The following SPTBN1 variants were observed in gnomAD, a reference collection of about 807,000 sequenced individuals.
The protein encoded by SPTBN1 is spectrin beta, non-erythrocytic 1.
SPTBN1 carries 32 observed loss-of-function variants against 266.4 expected under a neutral mutation model. The observed-to-expected ratio is 0.12, with a 90% CI of 0.09 to 0.16. The LOEUF (loss-of-function observed/expected upper bound fraction) is 0.16, where lower values mean the gene tolerates loss of function less well. Among genes scored for constraint, SPTBN1 ranks in the 10% least tolerant of loss-of-function variants. The pLI is 1.00. For synonymous variants in SPTBN1, 1,336 were observed against 1,162.2 expected, an observed-to-expected ratio of 1.15 and a Z score of -3.04; for missense variants, 2,296 against 3,067.1, an observed-to-expected ratio of 0.75 and a Z score of 5.94.
rs745704081 is a variant in SPTBN1 at position 54,644,596 on chromosome 2, C to T, written c.4269+10C>T. On this transcript the variant is annotated intron_variant, in intron 20 of 35. Coordinates refer to ENST00000356805, the MANE Select transcript of SPTBN1 (RefSeq NM_003128.3). ...GCTGAAAAAGCAACAGGCAAGTGGACAAGCCATCATGGACTTGGGTGTATT... is the reference window on the plus strand; with the variant it reads ...GCTGAAAAAGCAACAGGCAAGTGGATAAGCCATCATGGACTTGGGTGTATT... 1.3e-6 allele frequency: 2 copies of T among 1,596,526 alleles called. No homozygotes were observed. Among genetic ancestry groups the T allele is most frequent in the East Asian group, 4.5e-5 (2 of 44,432 alleles).
intron 2 of SPTBN1, among the ~76,000 whole-genome samples, chr2:54,538,238 G>A (rs976213649): frequency 3.9e-5 from 6 of 152,126 alleles, no homozygotes; most frequent in Non-Finnish European, 7.4e-5. Context: ...CCTTTAACAT[G>A]GTGTTTCATT....
chr2:54,541,202 A>G (rs183711219), intron 2 of SPTBN1, among the ~76,000 whole-genome samples: 8 of 152,306 alleles, frequency 5.3e-5, no homozygotes, highest in Admixed American at 6.5e-5. Flanking sequence ...GACCAAATCT[A>G]TTAGCCCCAT....
rs549675900 is a variant in SPTBN1 at position 54,615,099 on chromosome 2, T to C, written c.475-1108T>C. ...ATTAGAGACTGGGGTTTATACAGAC[T>C]CAGGCTTCACCTTCTTAACACAATT... On this transcript the variant is annotated intron_variant, in intron 4 of 35. Coordinates refer to ENST00000356805, the MANE Select transcript of SPTBN1 (RefSeq NM_003128.3). Among the ~76,000 whole-genome samples the C allele has an allele frequency of 2.2e-4, 33 of 151,540 alleles. No individual in the cohort carries two copies. The South Asian group carries it at 6.9e-3, about 32-fold the overall frequency.
At position 54,481,937 on chromosome 2, in the gene SPTBN1, AC is replaced by A. The variant is rs574573490; in HGVS notation, c.-48+25421del. 5.9e-5 allele frequency among the ~76,000 whole-genome samples: 9 copies of A among 152,182 alleles called. No homozygotes were observed. The East Asian group carries it at 1.7e-3, about 29-fold the overall frequency. On this transcript the variant is annotated intron_variant, in intron 1 of 35. Transcript: ENST00000356805. ...TAAAACCTCTTTGCTTCCTCCTTTT[AC>A]CTTCTTTTCTGAGCTGTCTCTTTTC...
chr2:54,646,333 G>C lies in SPTBN1; in HGVS notation c.4724G>C (p.Gly1575Ala). The change falls in exon 23 of 36, where the codon GGT becomes GCT. Residue 1575 changes from glycine to alanine, a missense_variant. By Grantham distance (60) the Gly-to-Ala change is moderately conservative. Around this residue, in one of 12 missense-constraint regions of SPTBN1, gnomAD observed 644 missense variants for 745.3 expected, o/e 0.86. Coordinates refer to ENST00000356805, the MANE Select transcript of SPTBN1 (RefSeq NM_003128.3). The surrounding 1 kb of genome is among the most constrained non-coding windows in gnomAD (Gnocchi z 4.4). ...CTTGCCGACCTGAAGCAGCTGTGGGGTCTCCTCATTGAGGAGACAGAGAAA... is the reference window on the plus strand; with the variant it reads ...CTTGCCGACCTGAAGCAGCTGTGGGCTCTCCTCATTGAGGAGACAGAGAAA... The part of the protein sequence containing the change: ...QRLADLKQLW[G>A]LLIEETEKRH... 6.2e-7 allele frequency: 1 copy of C among 1,614,186 alleles called. No individual in the cohort carries two copies. Among genetic ancestry groups the C allele is most frequent in the Non-Finnish European group, 8.5e-7 (1 of 1,180,020 alleles).
At chr2:54,644,248 A>T in intron 19 of SPTBN1, 75 bp from the exon 20 acceptor site, 1 of 1,528,602 alleles carries the variant, frequency 6.5e-7, no homozygotes, top group Non-Finnish European at 8.9e-7. Flanking sequence ...CAAATGTCCT[A>T]GGTTTGTTTT....
At chr2:54,512,240 A>G (rs955028994) in intron 1 of SPTBN1, among the ~76,000 whole-genome samples, 1 of 152,212 alleles carries the variant, frequency 6.6e-6, no homozygotes. Context: ...TGTTAAAATG[A>G]TAATTATTTG....
chr2:54,462,998 A>T (rs1209157360), intron 1 of SPTBN1, among the ~76,000 whole-genome samples: 1 of 152,266 alleles, frequency 6.6e-6, no homozygotes. Context: ...TTCTGTGATT[A>T]TAAGATACTT....
intron 2 of SPTBN1, among the ~76,000 whole-genome samples, chr2:54,560,023 G>A (rs1673178330): frequency 6.6e-6 from 1 of 152,196 alleles, no homozygotes; most frequent in South Asian, 2.1e-4. Flanking sequence ...TTGCTGGGCT[G>A]TGCCACATTC....
chr2:54,599,324 G>C (rs1162927314), intron 3 of SPTBN1, 81 bp downstream of exon 3: 2 of 1,521,812 alleles, frequency 1.3e-6, no homozygotes, highest in Non-Finnish European at 1.8e-6. Context: ...GTCTCCTGTT[G>C]AATTCTGCAC....
At chr2:54,464,372 G>C (rs891501358) in intron 1 of SPTBN1, among the ~76,000 whole-genome samples, 1 of 152,222 alleles carries the variant, frequency 6.6e-6, no homozygotes, top group African/African-American at 2.4e-5. Context: ...ATATTACTGA[G>C]ATGGGAAGAT....
chr2:54,632,698 C>G lies in SPTBN1; in HGVS notation c.3697C>G (p.Arg1233Gly). Residue 1233 changes from arginine (R) to glycine (G), a missense_variant, in exon 17 of 36, where the codon CGG becomes GGG. By Grantham distance (125) the Arg-to-Gly change is moderately radical (BLOSUM62 -2). This residue lies in a region of SPTBN1 where 386 missense variants were observed against 486.1 expected (regional missense o/e 0.79). Coordinates refer to ENST00000356805, the MANE Select transcript of SPTBN1 (RefSeq NM_003128.3). The part of the protein sequence containing the change: ...EKINAVVETG[R>G]RLVSDGNINS... ...GATCAATGCTGTGGTGGAGACTGGC[C>G]GGAGGCTGGTGAGCGATGGGAACAT... is the stretch of plus-strand genomic sequence containing the variant. 4 of 1,614,134 alleles carry G rather than the reference C, an allele frequency of 2.5e-6. No homozygotes were observed. Among genetic ancestry groups the G allele is most frequent in the Middle Eastern group, 1.6e-4 (1 of 6,062 alleles).
intron 26 of SPTBN1, chr2:54,652,901 CTTTT>C (rs1680392517): frequency 8.5e-6 from 1 of 118,266 alleles, no homozygotes; most frequent in Non-Finnish European, 1.9e-5. Flanking sequence ...TTCTTTCTTT[CTTTT>C]ATTTATGACT....
intron 2 of SPTBN1, among the ~76,000 whole-genome samples, chr2:54,564,337 A>G (rs1573423866): frequency 6.6e-6 from 1 of 152,280 alleles, no homozygotes; most frequent in East Asian, 1.9e-4. Context: ...AGCTTTCTGG[A>G]TGATGGTTCC....
intron 17 of SPTBN1, among the ~76,000 whole-genome samples, chr2:54,634,061 G>T (rs569398690): frequency 6.6e-6 from 1 of 152,166 alleles, no homozygotes; most frequent in African/African-American, 2.4e-5. Context: ...ATAACCTAGG[G>T]AAAAAGAATT....
intron 1 of SPTBN1, among the ~76,000 whole-genome samples, chr2:54,462,881 A>G (rs1573198340): frequency 6.6e-6 from 1 of 152,236 alleles, no homozygotes; most frequent in Non-Finnish European, 1.5e-5. Flanking sequence ...CTCTTTTTCC[A>G]CTGAGCTGAG....
intron 19 of SPTBN1, among the ~76,000 whole-genome samples, chr2:54,643,893 G>A (rs116801416): frequency 0.04 from 6,117 of 152,192 alleles, 173 homozygotes; most frequent in Non-Finnish European, 0.062. Context: ...TGAGGCACGA[G>A]CCCAGGAGGC....
Position 54,628,941 on chromosome 2 carries a change from C to T in SPTBN1, c.1807C>T (p.Pro603Ser). 1 of 1,598,906 alleles carries T rather than the reference C, an allele frequency of 6.3e-7. No homozygotes were observed. The highest frequency in any genetic ancestry group is 1.1e-5 in the South Asian group (1 of 88,352). Residue 603 changes from proline to serine, a missense_variant, in exon 14 of 36, where the codon CCC becomes TCC. Transcript: ENST00000356805. This position sits in a 1 kb window ranked among gnomAD's most constrained non-coding sequence, Gnocchi z 4.3. ...TCCTTGATGTTAAACAGGTTACAAG[C>T]CCTGTGACCCCCAGGTGATCCGAGA... is the stretch of plus-strand genomic sequence containing the variant. The part of the protein sequence containing the change: ...KFATDGEGYK[P>S]CDPQVIRDRV...
intron 32 of SPTBN1, chr2:54,660,997 T>C: frequency 1.0e-6 from 1 of 985,448 alleles, no homozygotes. Context: ...TGGTTCATCC[T>C]GATTACTTGA....
Sources: allele counts gnomAD v4.1 joint callset (sites outside exome capture counted in the v4.1 genomes callset), GRCh38; gene constraint gnomAD v4.1.1; regional missense constraint gnomAD v4.1.1; non-coding constraint Gnocchi (gnomAD v3.1); transcripts MANE v1.5; gene names NCBI Gene and HGNC (gene_info 2026-07-23, HGNC 2026-07-21).